Variants in ZNF385D observed in about 807,000 individuals in gnomAD.
The protein encoded by ZNF385D is zinc finger protein 385D, also known as zinc finger protein 659.
Under a neutral mutation model 35.8 loss-of-function variants are expected in ZNF385D, and 15 were observed. That is an observed-to-expected ratio of 0.42 (90% confidence interval 0.28 to 0.64). ZNF385D has a LOEUF of 0.64. ZNF385D is among the 30% of genes least tolerant of loss of function. The probability of loss-of-function intolerance (pLI) is 0.23; values close to 1 mark genes in which losing one functional copy is unlikely to be tolerated. For missense variants in ZNF385D, 474 were observed against 494.6 expected (o/e 0.96, Z 0.39); for synonymous variants, 212 against 186.8 (o/e 1.13, Z -1.10).
At chr3:21,585,142 A>AT (rs141976072) in intron 2 of ZNF385D, among the ~76,000 whole-genome samples, 3,829 of 152,298 alleles carry the variant, frequency 0.025, 168 homozygotes, top group African/African-American at 0.086. Context: ...CTAAAAATGT[A>AT]TATTCATCCA....
chr3:22,120,153 C>CTTT (rs1267350948), intron 3 of ZNF385D, among the ~76,000 whole-genome samples: 1 of 151,750 alleles, frequency 6.6e-6, no homozygotes. Flanking sequence ...ATGTGGGGGA[C>CTTT]TTAATGAAGG....
At chr3:21,677,754 C>T (rs1490157) in intron 1 of ZNF385D, among the ~76,000 whole-genome samples, 108,316 of 151,746 alleles carry the variant, frequency 0.71, 38,978 homozygotes, top group Admixed American at 0.76. Flanking sequence ...TTGAGTAGTT[C>T]ATATATACAT....
intron 3 of ZNF385D, among the ~76,000 whole-genome samples, chr3:22,089,703 A>G (rs1701225812): frequency 6.6e-6 from 1 of 152,122 alleles, no homozygotes; most frequent in Admixed American, 6.6e-5. Context: ...CTTGAACATT[A>G]TTCTTTGAGC....
intron 5 of ZNF385D, among the ~76,000 whole-genome samples, chr3:21,436,009 A>G (rs185641379): frequency 1.2e-4 from 18 of 152,348 alleles, no homozygotes; most frequent in African/African-American, 4.3e-4. Flanking sequence ...AACTCAGGGT[A>G]TGATTCACAA....
At chr3:22,205,883 A>G (rs1054535484) in intron 2 of ZNF385D, among the ~76,000 whole-genome samples, 33 of 152,022 alleles carry the variant, frequency 2.2e-4, no homozygotes, top group Non-Finnish European at 3.8e-4. Context: ...AAATAGCCAA[A>G]TGGCGGGAGC....
intron 2 of ZNF385D, among the ~76,000 whole-genome samples, chr3:22,319,239 A>G (rs1704065388): frequency 6.6e-6 from 1 of 152,148 alleles, no homozygotes. Context: ...ATATTTGTCA[A>G]ACATTAACTG....
intron 3 of ZNF385D, among the ~76,000 whole-genome samples, chr3:22,013,300 T>C (rs1696688784): frequency 6.6e-6 from 1 of 152,202 alleles, no homozygotes; most frequent in Non-Finnish European, 1.5e-5. Flanking sequence ...ATAGTATATA[T>C]ATAAATTCTA....
At chr3:21,608,016 T>TTC (rs1372061150) in intron 2 of ZNF385D, among the ~76,000 whole-genome samples, 6 of 99,870 alleles carry the variant, frequency 6.0e-5, no homozygotes, top group Non-Finnish European at 1.1e-4. Context: ...TTTCTTCTTT[T>TTC]TTTTTTGTTT....
At chr3:22,231,062 A>T (rs1350615139) in intron 2 of ZNF385D, among the ~76,000 whole-genome samples, 5 of 152,128 alleles carry the variant, frequency 3.3e-5, no homozygotes, top group Admixed American at 3.3e-4. Context: ...CAGCAACAGG[A>T]CCTCAAAACT....
At chr3:21,795,378 C>T (rs368264659) in intron 3 of ZNF385D, among the ~76,000 whole-genome samples, 1 of 152,226 alleles carries the variant, frequency 6.6e-6, no homozygotes, top group African/African-American at 2.4e-5. Context: ...TTATTAGTGG[C>T]CACTGCCAGA....
intron 3 of ZNF385D, among the ~76,000 whole-genome samples, chr3:22,088,406 G>T (rs1196668752): frequency 1.3e-5 from 2 of 152,174 alleles, no homozygotes; most frequent in Non-Finnish European, 2.9e-5. Flanking sequence ...CACTTGTTTT[G>T]TTGTATCCTA....
At chr3:21,944,830 T>C (rs986055230) in intron 3 of ZNF385D, among the ~76,000 whole-genome samples, 1 of 152,104 alleles carries the variant, frequency 6.6e-6, no homozygotes, top group Non-Finnish European at 1.5e-5. Flanking sequence ...AGCAAATTCA[T>C]TGATGAATAA....
At chr3:21,493,026 G>T (rs938672247) in intron 4 of ZNF385D, among the ~76,000 whole-genome samples, 6 of 151,948 alleles carry the variant, frequency 3.9e-5, no homozygotes, top group Non-Finnish European at 4.4e-5. Flanking sequence ...ATATAATCTG[G>T]TTAGAATCTT....
At chr3:22,112,716 A>G (rs1308641977) in intron 3 of ZNF385D, among the ~76,000 whole-genome samples, 1 of 152,128 alleles carries the variant, frequency 6.6e-6, no homozygotes, top group Admixed American at 6.6e-5. Context: ...CACATAGAAG[A>G]TGAAGAGTCA....
At chr3:21,804,888 T>C (rs1225577567) in intron 3 of ZNF385D, among the ~76,000 whole-genome samples, 1 of 152,208 alleles carries the variant, frequency 6.6e-6, no homozygotes, top group African/African-American at 2.4e-5. Context: ...GAACGTTGCT[T>C]GGAAAATCAA....
At chr3:22,156,187 A>T (rs1043359307) in intron 3 of ZNF385D, among the ~76,000 whole-genome samples, 3 of 152,160 alleles carry the variant, frequency 2.0e-5, no homozygotes, top group Admixed American at 2.0e-4. Flanking sequence ...TAGGAAAAAA[A>T]TTACCACCAT....
chr3:22,301,659 A>C (rs1442080018), intron 2 of ZNF385D, among the ~76,000 whole-genome samples: 1 of 152,102 alleles, frequency 6.6e-6, no homozygotes, highest in Non-Finnish European at 1.5e-5. Context: ...CAACAGGCTT[A>C]AGTGGTAAAA....
At chr3:21,468,189 G>A (rs898800545) in intron 4 of ZNF385D, among the ~76,000 whole-genome samples, 18 of 151,926 alleles carry the variant, frequency 1.2e-4, no homozygotes, top group African/African-American at 3.6e-4. Context: ...CGGATCACAA[G>A]GTCAGAAGTT....
At chr3:22,083,842 G>C (rs1388835441) in intron 3 of ZNF385D, among the ~76,000 whole-genome samples, 1 of 152,142 alleles carries the variant, frequency 6.6e-6, no homozygotes, top group Non-Finnish European at 1.5e-5. Flanking sequence ...GAAAGGTCAG[G>C]TTATCCACAA....
Sources: allele counts gnomAD v4.1 joint callset (sites outside exome capture counted in the v4.1 genomes callset), GRCh38; gene constraint gnomAD v4.1.1; transcripts MANE v1.5; gene names NCBI Gene and HGNC (gene_info 2026-07-23, HGNC 2026-07-21).